ACTR3C: variants seen among roughly 807,000 people sequenced by gnomAD.
ACTR3C encodes actin-related protein 3C.
A neutral mutation model predicts 26.3 loss-of-function variants in ACTR3C; 18 were observed. That is an observed-to-expected ratio of 0.68 (90% confidence interval 0.47 to 1.01). The LOEUF (loss-of-function observed/expected upper bound fraction) is 1.01, where lower values mean the gene tolerates loss of function less well. Ranked by LOEUF, ACTR3C falls within the 50% of genes least tolerant of loss-of-function variation. The pLI is 0.00. For missense variants in ACTR3C, 184 were observed against 250.7 expected (o/e 0.73, Z 1.80); for synonymous variants, 55 against 94.5 (o/e 0.58, Z 2.42).
chr7:149,907,474 TCTCTTCTCTCTCTC>T, the ACTR3C span, among the ~76,000 whole-genome samples: 4 of 80,664 alleles, frequency 5.0e-5, no homozygotes, highest in Admixed American at 2.4e-4. Flanking sequence ...TTGCCTCTCT[TCTCTTCTCTCTCTC>T]TCTCTCTCTC....
At chr7:150,024,393 G>A in the ACTR3C span, among the ~76,000 whole-genome samples, 2 of 151,742 alleles carry the variant, frequency 1.3e-5, no homozygotes, top group East Asian at 3.9e-4. Flanking sequence ...GGGACTGCGT[G>A]AGCGTGTGGG....
intron 6 of ACTR3C, among the ~76,000 whole-genome samples, chr7:150,254,457 T>C (rs564305000): frequency 6.6e-6 from 1 of 152,164 alleles, no homozygotes; most frequent in Non-Finnish European, 1.5e-5. Flanking sequence ...GTCTTAAAAC[T>C]TAAACATGTT....
the ACTR3C span, among the ~76,000 whole-genome samples, chr7:149,909,265 C>A: frequency 3.7e-5 from 5 of 135,124 alleles, no homozygotes; most frequent in African/African-American, 3.0e-5. Flanking sequence ...TCATTTCCAC[C>A]AAAAAAAAAA....
At chr7:150,144,536 T>C in the ACTR3C span, among the ~76,000 whole-genome samples, 4 of 151,710 alleles carry the variant, frequency 2.6e-5, no homozygotes, top group Non-Finnish European at 5.9e-5. This position sits in a 1 kb window ranked among gnomAD's most constrained non-coding sequence, Gnocchi z 4.6. Flanking sequence ...TCCAATATTA[T>C]TTTTTGTCCA....
chr7:150,051,376 C>CCACACA, the ACTR3C span, among the ~76,000 whole-genome samples: 7 of 133,912 alleles, frequency 5.2e-5, no homozygotes, highest in Admixed American at 1.6e-4. Context: ...CTCCCCTTAT[C>CCACACA]CACACACACA....
the ACTR3C span, among the ~76,000 whole-genome samples, chr7:149,987,735 G>A: frequency 1.9e-3 from 282 of 147,326 alleles, no homozygotes; most frequent in African/African-American, 6.0e-3. Context: ...ATCATGCCTC[G>A]AAATCATTCA....
At chr7:150,275,392 T>C (rs1196489564) in intron 6 of ACTR3C, among the ~76,000 whole-genome samples, 2 of 151,886 alleles carry the variant, frequency 1.3e-5, no homozygotes, top group Non-Finnish European at 2.9e-5. Flanking sequence ...TTCATGAAAA[T>C]AAAAGGGAAA....
chr7:150,199,740 A>AAAC, the ACTR3C span, among the ~76,000 whole-genome samples: 14 of 143,396 alleles, frequency 9.8e-5, no homozygotes, highest in East Asian at 7.9e-4. Context: ...AAAAAAAAAA[A>AAAC]AAAAAAACAT....
chr7:150,209,206 C>CAGAG, the ACTR3C span, among the ~76,000 whole-genome samples: 50 of 136,226 alleles, frequency 3.7e-4, 1 homozygote, highest in East Asian at 1.4e-3. Flanking sequence ...CACACACATA[C>CAGAG]AGAGAGAGAG....
At chr7:150,291,438 A>T (rs6952790) in intron 3 of ACTR3C, among the ~76,000 whole-genome samples, 27,626 of 152,124 alleles carry the variant, frequency 0.18, 3,384 homozygotes, top group African/African-American at 0.33. Flanking sequence ...TCCAAAAAAA[A>T]AGAAAAAGAG....
intron 4 of ACTR3C, 120 bp downstream of exon 4, chr7:150,289,330 C>T: frequency 1.4e-6 from 2 of 1,415,708 alleles, no homozygotes; most frequent in Non-Finnish European, 1.9e-6. Flanking sequence ...AAATCAAGCC[C>T]CACACTCATG....
chr7:150,041,709 G>A, the ACTR3C span, among the ~76,000 whole-genome samples: 1 of 142,118 alleles, frequency 7.0e-6, no homozygotes, highest in South Asian at 2.3e-4. Context: ...CCACCCTCGC[G>A]GGGGGTGCCT....
At chr7:150,145,299 G>C in the ACTR3C span, among the ~76,000 whole-genome samples, 2 of 152,146 alleles carry the variant, frequency 1.3e-5, no homozygotes, top group South Asian at 2.1e-4. Context: ...TGCGCTGTAG[G>C]TCCCCAGCTG....
the ACTR3C span, among the ~76,000 whole-genome samples, chr7:150,049,546 A>G: frequency 6.6e-6 from 1 of 152,232 alleles, no homozygotes; most frequent in South Asian, 2.1e-4. Flanking sequence ...TCAAAATAAC[A>G]GGCTCGGCCG....
chr7:150,070,325 G>A, the ACTR3C span, among the ~76,000 whole-genome samples: 5 of 152,134 alleles, frequency 3.3e-5, no homozygotes, highest in South Asian at 2.1e-4. Flanking sequence ...GGCCTTCCAC[G>A]GCACTGGACA....
At chr7:150,132,352 C>A in the ACTR3C span, among the ~76,000 whole-genome samples, 2 of 152,120 alleles carry the variant, frequency 1.3e-5, no homozygotes, top group South Asian at 2.1e-4. Flanking sequence ...TAAAAATGTC[C>A]ATTTTTCACA....
At chr7:150,197,804 T>C in the ACTR3C span, among the ~76,000 whole-genome samples, 2 of 151,932 alleles carry the variant, frequency 1.3e-5, no homozygotes, top group Non-Finnish European at 2.9e-5. Context: ...TATGCTAGAA[T>C]ATTGAGTAAC....
the ACTR3C span, among the ~76,000 whole-genome samples, chr7:150,108,599 G>A: frequency 6.7e-6 from 1 of 148,462 alleles, no homozygotes; most frequent in South Asian, 2.1e-4. Flanking sequence ...TTCAAATCAT[G>A]AGGCTCCACC....
the ACTR3C span, among the ~76,000 whole-genome samples, chr7:149,919,578 A>G: frequency 6.6e-6 from 1 of 151,668 alleles, no homozygotes; most frequent in African/African-American, 2.4e-5. Flanking sequence ...CCAACCTTTT[A>G]CTTTCTGAAT....
Sources: allele counts gnomAD v4.1 joint callset (sites outside exome capture counted in the v4.1 genomes callset), GRCh38; gene constraint gnomAD v4.1.1; non-coding constraint Gnocchi (gnomAD v3.1); transcripts MANE v1.5; gene names NCBI Gene and HGNC (gene_info 2026-07-23, HGNC 2026-07-21).